DOCK1: variants seen among roughly 807,000 people sequenced by gnomAD.
DOCK1 encodes the protein dedicator of cytokinesis 1, also known as dedicator of cytokinesis protein 1.
DOCK1 carries 138 observed loss-of-function variants against 262.7 expected under a neutral mutation model. The observed-to-expected ratio is 0.53, with a 90% CI of 0.46 to 0.61. The LOEUF is 0.61. Ranked by LOEUF, DOCK1 falls within the 20% of genes least tolerant of loss-of-function variation. The pLI is 0.00. For synonymous variants in DOCK1, 866 were observed against 867.4 expected (o/e 1.00, Z 0.03); for missense variants, 1,908 against 2,370.7 (o/e 0.80, Z 4.05).
intron 29 of DOCK1, among the ~76,000 whole-genome samples, chr10:127,315,099 A>G (rs2062217642): frequency 6.6e-6 from 1 of 152,134 alleles, no homozygotes; most frequent in South Asian, 2.1e-4. Context: ...GGGCTAAGCC[A>G]GCTCTTTCTT....
rs771891784 is a variant in DOCK1 at position 126,970,781 on chromosome 10, T to C, written c.126T>C (p.Tyr42=). ...ACACTGTGCACATCTTAGAAACATA[T>C]GAAGGTGCGTATGCATCTTGGTATC... ...IGDTVHILET[Y]EGWYRGYTLR... is the part of the protein sequence containing the mutation. Residue 42 remains tyrosine, a synonymous_variant, in exon 2 of 52, where the codon TAT becomes TAC. Transcript: ENST00000623213. The C allele has an allele frequency of 7.4e-6, 12 of 1,612,394 alleles. No individual in the cohort carries two copies. In the South Asian group the frequency reaches 8.8e-5, roughly 12 times the overall value.
intron 27 of DOCK1, among the ~76,000 whole-genome samples, chr10:127,141,950 T>C (rs947309015): frequency 6.6e-6 from 1 of 152,244 alleles, no homozygotes. Context: ...CTGGCTCCCA[T>C]GCCACGGTCC....
At chr10:127,082,851 C>A (rs2046985843) in intron 23 of DOCK1, among the ~76,000 whole-genome samples, 1 of 152,198 alleles carries the variant, frequency 6.6e-6, no homozygotes, top group South Asian at 2.1e-4. Context: ...TGTCTCTGTA[C>A]ACAGCCCCAA....
At position 127,032,336 on chromosome 10, in the gene DOCK1, G is replaced by A; in HGVS notation, c.1912+16G>A. 1 of 1,499,644 alleles carries A rather than the reference G, an allele frequency of 6.7e-7. No individual in the cohort carries two copies. The highest frequency in any genetic ancestry group is 1.4e-5 in the South Asian group (1 of 72,098). The allele number at this position is 1,499,644 out of a possible 1,614,324, so 92.9% of individuals were successfully genotyped here. A position where few individuals can be genotyped will look rare whatever the true frequency, so the allele number is the denominator to read the frequency against. On this transcript the variant is annotated intron_variant, in intron 18 of 51. Transcript: ENST00000623213. ...ACTCAGAACGGTGCGTTCGAGAGGA[G>A]AAACACACTCACCCCAGGAGCTCTG...
intron 1 of DOCK1, among the ~76,000 whole-genome samples, chr10:126,946,992 GT>G (rs2035462795): frequency 6.6e-6 from 1 of 152,206 alleles, no homozygotes. Context: ...GTCTGATCCT[GT>G]CCCCCCATCC....
intron 29 of DOCK1, among the ~76,000 whole-genome samples, chr10:127,276,569 A>G (rs2060749332): frequency 6.6e-6 from 1 of 152,016 alleles, no homozygotes; most frequent in Non-Finnish European, 1.5e-5. Flanking sequence ...CAAAGCAGGG[A>G]CTCGGACACT....
intron 10 of DOCK1, among the ~76,000 whole-genome samples, chr10:127,006,194 C>T (rs1015470829): frequency 3.3e-5 from 5 of 152,192 alleles, no homozygotes; most frequent in Non-Finnish European, 7.3e-5. Context: ...GCAAGTCATC[C>T]TGATGCAGCC....
intron 29 of DOCK1, among the ~76,000 whole-genome samples, chr10:127,261,521 G>A (rs2060116466): frequency 1.5e-5 from 2 of 137,430 alleles, no homozygotes; most frequent in Non-Finnish European, 3.1e-5. Context: ...GTGTGTACCT[G>A]CATGTGTGTG....
chr10:126,929,411 A>C (rs955876527), intron 1 of DOCK1, among the ~76,000 whole-genome samples: 1 of 152,108 alleles, frequency 6.6e-6, no homozygotes, highest in Non-Finnish European at 1.5e-5. Flanking sequence ...AGAGAAGTGG[A>C]CCACAGGGTG....
At chr10:127,381,985 G>T in intron 37 of DOCK1, among the ~76,000 whole-genome samples, 1 of 150,336 alleles carries the variant, frequency 6.7e-6, no homozygotes, top group Non-Finnish European at 1.5e-5. Context: ...ATGGATGGAT[G>T]GATGGATGGA....
At chr10:127,441,166 T>C (rs1178612090) in intron 49 of DOCK1, among the ~76,000 whole-genome samples, 1 of 152,224 alleles carries the variant, frequency 6.6e-6, no homozygotes, top group East Asian at 1.9e-4. Context: ...AGCTGACTTG[T>C]GTGAAAAGAA....
intron 3 of DOCK1, 27 bp from the exon 4 acceptor site, chr10:126,981,891 G>A (rs764666424): frequency 6.2e-7 from 1 of 1,600,680 alleles, no homozygotes; most frequent in South Asian, 1.1e-5. Context: ...GATAATAAAA[G>A]CTACTGTTTT....
chr10:127,235,699 G>C (rs954906712), intron 27 of DOCK1, among the ~76,000 whole-genome samples: 11 of 152,052 alleles, frequency 7.2e-5, no homozygotes, highest in Non-Finnish European at 1.6e-4. Flanking sequence ...TGTATATGAA[G>C]CTGCCAAACT....
intron 23 of DOCK1, among the ~76,000 whole-genome samples, chr10:127,080,211 C>G (rs2046821102): frequency 6.6e-6 from 1 of 151,234 alleles, no homozygotes; most frequent in Non-Finnish European, 1.5e-5. Flanking sequence ...TCTTAACTCT[C>G]ATTTCCACCA....
At chr10:127,023,910 G>T (rs140629227) in intron 14 of DOCK1, among the ~76,000 whole-genome samples, 2 of 152,204 alleles carry the variant, frequency 1.3e-5, no homozygotes, top group South Asian at 4.1e-4. Context: ...ATTGCTCAGC[G>T]TTAGAGAGCT....
At position 127,023,256 on chromosome 10, in the gene DOCK1, A is replaced by T; in HGVS notation, c.1384A>T (p.Ser462Cys). ...TLVQGDFDKGSKTTAKNVEVT... is the reference protein window; with the variant it reads ...TLVQGDFDKGCKTTAKNVEVT... ...AGTTCAAGGAGATTTTGATAAAGGA[A>T]GCAAAACAACAGCGAAGAACGTGGA... is the stretch of plus-strand genomic sequence containing the variant. The change falls in exon 14 of 52, where the codon AGC becomes TGC. Residue 462 changes from serine (S) to cysteine (C), a missense_variant. By Grantham distance (112) the Ser-to-Cys change is moderately radical. Around this residue, in one of 9 missense-constraint regions of DOCK1, gnomAD observed 294 missense variants for 439.9 expected, o/e 0.67. Transcript: ENST00000623213. 1 of 1,614,008 alleles carries T rather than the reference A, an allele frequency of 6.2e-7. No individual in the cohort carries two copies. Among genetic ancestry groups the T allele is most frequent in the South Asian group, 1.1e-5 (1 of 91,080 alleles).
At chr10:126,909,220 G>A (rs2031395211) in intron 1 of DOCK1, among the ~76,000 whole-genome samples, 1 of 152,140 alleles carries the variant, frequency 6.6e-6, no homozygotes, top group Admixed American at 6.5e-5. Context: ...ACCAGAGAGA[G>A]GCCTCAGGGA....
chr10:127,254,784 T>C (rs1488192661), intron 28 of DOCK1, among the ~76,000 whole-genome samples: 3 of 152,212 alleles, frequency 2.0e-5, no homozygotes, highest in Non-Finnish European at 4.4e-5. Flanking sequence ...TGAAGATGCT[T>C]TGTCTTTAGT....
intron 27 of DOCK1, among the ~76,000 whole-genome samples, chr10:127,139,301 C>T (rs191608896): frequency 8.0e-4 from 121 of 152,130 alleles, no homozygotes; most frequent in African/African-American, 2.9e-3. Flanking sequence ...AGTTTTAAAA[C>T]AAGTTCAGGA....
Sources: gnomAD v4.1 joint callset for allele counts (sites outside exome capture counted in the v4.1 genomes callset) on GRCh38, gnomAD v4.1.1 for gene constraint, gnomAD v4.1.1 regional missense constraint, MANE v1.5 for transcripts, NCBI Gene and HGNC (gene_info 2026-07-23, HGNC 2026-07-21) for gene names.